The following PRKACB variants were observed in gnomAD, a reference collection of about 807,000 sequenced individuals.
The protein encoded by PRKACB is cAMP-dependent protein kinase catalytic subunit beta.
PRKACB carries 16 observed loss-of-function variants against 51.4 expected under a neutral mutation model. That is an observed-to-expected ratio of 0.31 (90% CI 0.21 to 0.47). The LOEUF is 0.47. PRKACB is among the 20% of genes least tolerant of loss of function. The pLI is 1.00. For missense variants in PRKACB, 309 were observed against 464.5 expected (o/e 0.67, Z 3.08); for synonymous variants, 147 against 154.4 (o/e 0.95, Z 0.35).
chr1:84,209,292 C>T (rs1558287711), intron 8 of PRKACB, among the ~76,000 whole-genome samples: 1 of 152,096 alleles, frequency 6.6e-6, no homozygotes, highest in Non-Finnish European at 1.5e-5. Flanking sequence ...TAGTTTCTAA[C>T]TTGAAATCTT....
chr1:84,164,186 A>T, intron 1 of PRKACB: 1 of 1,129,950 alleles, frequency 8.8e-7, no homozygotes. Flanking sequence ...CTCTTCCATA[A>T]CACAGAATGT....
At position 84,110,739 on chromosome 1, in the gene PRKACB, G is replaced by A. The variant is rs538236187; in HGVS notation, c.46+32368G>A. 1.4e-4 allele frequency among the ~76,000 whole-genome samples: 21 copies of A among 151,972 alleles called. No individual in the cohort carries two copies. The South Asian group carries it at 3.7e-3, about 27-fold the overall frequency. On this transcript the variant is annotated intron_variant, in intron 1 of 8. Coordinates refer to the PRKACB transcript ENST00000370688. The stretch of plus-strand genomic sequence containing the variant: ...AGTTCCAATTACTTTCTATCTTTGT[G>A]ACAACATATATCTCTTCTGTGCTCT...
intron 9 of PRKACB, among the ~76,000 whole-genome samples, chr1:84,216,527 AT>A (rs1672907538): frequency 6.6e-6 from 1 of 152,192 alleles, no homozygotes; most frequent in African/African-American, 2.4e-5. Context: ...GCAAATAGAT[AT>A]GTTATATAGT....
At chr1:84,120,806 T>G (rs937636214) in intron 1 of PRKACB, among the ~76,000 whole-genome samples, 1 of 152,064 alleles carries the variant, frequency 6.6e-6, no homozygotes, top group Admixed American at 6.6e-5. Context: ...TAATTGATAG[T>G]CATAGATTCA....
At position 84,227,885 on chromosome 1, in the gene PRKACB, T is replaced by C. The variant is rs192940581; in HGVS notation, c.1072-7295T>C. On this transcript the variant is annotated intron_variant, in intron 9 of 9. Transcript: ENST00000370685. ...AATATGAATAGTTTTAATTGTCTTC[T>C]TTATTCTCTGATGCATCTCCAAATG... is the stretch of plus-strand genomic sequence containing the variant. Among the ~76,000 whole-genome samples the C allele has an allele frequency of 3.0e-3, 456 of 152,346 alleles. 6 individuals carry two copies. Among genetic ancestry groups the C allele is most frequent in the Non-Finnish European group, 6.5e-4 (44 of 68,030 alleles).
At chr1:84,216,366 A>G (rs1373495999) in intron 9 of PRKACB, among the ~76,000 whole-genome samples, 3 of 152,070 alleles carry the variant, frequency 2.0e-5, no homozygotes, top group Admixed American at 6.6e-5. Flanking sequence ...AATAAAGATT[A>G]CAAAAACAAA....
intron 1 of PRKACB, among the ~76,000 whole-genome samples, chr1:84,099,636 A>G (rs1213485086): frequency 6.6e-6 from 1 of 152,108 alleles, no homozygotes; most frequent in African/African-American, 2.4e-5. Flanking sequence ...GGCACTTAAT[A>G]TTATTAACCT....
intron 9 of PRKACB, among the ~76,000 whole-genome samples, chr1:84,216,768 A>T (rs1032331037): frequency 1.3e-5 from 2 of 152,196 alleles, no homozygotes; most frequent in Non-Finnish European, 2.9e-5. Flanking sequence ...TAATTTAAAC[A>T]TAATCATGCA....
chr1:84,149,497 G>A (rs1235447212), intron 1 of PRKACB, among the ~76,000 whole-genome samples: 1 of 152,130 alleles, frequency 6.6e-6, no homozygotes, highest in Non-Finnish European at 1.5e-5. Flanking sequence ...CTGAACTCAA[G>A]TGATCTGCCT....
chr1:84,231,458 C>G (rs1400885484), intron 9 of PRKACB, among the ~76,000 whole-genome samples: 2 of 152,104 alleles, frequency 1.3e-5, no homozygotes, highest in African/African-American at 4.8e-5. Flanking sequence ...GGAGGATTCC[C>G]TCTTTTTCTA....
chr1:84,235,393 A>G lies in PRKACB; in HGVS notation c.*88A>G. On this transcript the variant is annotated 3_prime_UTR_variant, in exon 10 of 10. Transcript: ENST00000370685. ...GAGCTGAGACCGTCCTTGTTGAAGCAGTTACCTAGTTCCTTCATTCCAACG... is the reference window on the plus strand; with the variant it reads ...GAGCTGAGACCGTCCTTGTTGAAGCGGTTACCTAGTTCCTTCATTCCAACG... The G allele has an allele frequency of 6.5e-7, 1 of 1,541,132 alleles. No individual in the cohort carries two copies. Among genetic ancestry groups the G allele is most frequent in the Non-Finnish European group, 8.9e-7 (1 of 1,129,002 alleles).
chr1:84,156,034 G>A (rs573252994), intron 1 of PRKACB, among the ~76,000 whole-genome samples: 5 of 152,124 alleles, frequency 3.3e-5, no homozygotes, highest in Non-Finnish European at 5.9e-5. Context: ...TGTTGCCCAG[G>A]CTGGAGAGTA....
chr1:84,172,484 A>G (rs928833847), intron 1 of PRKACB, among the ~76,000 whole-genome samples: 3 of 151,792 alleles, frequency 2.0e-5, no homozygotes, highest in South Asian at 4.1e-4. Context: ...TACAAAATCC[A>G]TAGCATCCCC....
chr1:84,123,029 G>A (rs755389068), intron 1 of PRKACB, among the ~76,000 whole-genome samples: 1 of 152,166 alleles, frequency 6.6e-6, no homozygotes, highest in Non-Finnish European at 1.5e-5. Flanking sequence ...TGTGAGGTAA[G>A]TGTCATCTAA....
At chr1:84,138,173 G>A (rs537591650) in intron 1 of PRKACB, among the ~76,000 whole-genome samples, 1 of 151,992 alleles carries the variant, frequency 6.6e-6, no homozygotes, top group South Asian at 2.1e-4. Flanking sequence ...GTGAGCATGG[G>A]GCATCTTGCA....
intron 1 of PRKACB, among the ~76,000 whole-genome samples, chr1:84,106,732 T>G (rs1346840073): frequency 6.6e-6 from 1 of 152,152 alleles, no homozygotes; most frequent in Non-Finnish European, 1.5e-5. Flanking sequence ...AATTACATTC[T>G]TCACAGAACT....
intron 1 of PRKACB, among the ~76,000 whole-genome samples, chr1:84,090,738 C>T (rs1204848528): frequency 3.3e-5 from 5 of 152,134 alleles, no homozygotes; most frequent in Non-Finnish European, 5.9e-5. Flanking sequence ...ATGACCTAGC[C>T]TCCAAAGTCA....
intron 1 of PRKACB, among the ~76,000 whole-genome samples, chr1:84,112,922 C>T (rs1361507810): frequency 6.6e-6 from 1 of 151,968 alleles, no homozygotes; most frequent in Non-Finnish European, 1.5e-5. Context: ...TAGAAATTCC[C>T]TAAGGAGGTT....
At chr1:84,098,291 A>C (rs2100798228) in intron 1 of PRKACB, among the ~76,000 whole-genome samples, 1 of 152,188 alleles carries the variant, frequency 6.6e-6, no homozygotes, top group South Asian at 2.1e-4. Flanking sequence ...TATGGGTTGC[A>C]TTTTATTCTC....
Sources: allele counts gnomAD v4.1 joint callset (sites outside exome capture counted in the v4.1 genomes callset), GRCh38; gene constraint gnomAD v4.1.1; transcripts MANE v1.5; gene names NCBI Gene and HGNC (gene_info 2026-07-23, HGNC 2026-07-21).